Variants in PDXK observed in about 807,000 individuals in gnomAD.
PDXK encodes pyridoxal kinase.
A neutral mutation model predicts 43.2 loss-of-function variants in PDXK; 15 were observed. That is an observed-to-expected ratio of 0.35 (90% CI 0.23 to 0.53). PDXK has a LOEUF of 0.53. Ranked by LOEUF, PDXK falls within the 20% of genes least tolerant of loss-of-function variation. The probability of loss-of-function intolerance (pLI) is 0.92; values close to 1 mark genes in which losing one functional copy is unlikely to be tolerated. For synonymous variants in PDXK, 172 were observed against 165.4 expected, an observed-to-expected ratio of 1.04 and a Z score of -0.31; for missense variants, 343 against 417.0, an observed-to-expected ratio of 0.82 and a Z score of 1.54.
intron 2 of PDXK, among the ~76,000 whole-genome samples, chr21:43,740,359 A>G (rs924781173): frequency 2.0e-5 from 3 of 152,150 alleles, no homozygotes; most frequent in Non-Finnish European, 2.9e-5. Context: ...GCGTGGGCGC[A>G]GAGCCGGCCG....
chr21:43,741,570 C>A, intron 2 of PDXK, 97 bp from the exon 3 acceptor site: 1 of 1,549,988 alleles, frequency 6.5e-7, no homozygotes, highest in Non-Finnish European at 8.7e-7. Flanking sequence ...AGCCGTCCAC[C>A]AGGCAGCCTC....
intron 3 of PDXK, 68 bp from the exon 4 acceptor site, chr21:43,743,656 C>T (rs2083586048): frequency 6.1e-6 from 7 of 1,145,840 alleles, no homozygotes; most frequent in Middle Eastern, 3.9e-4. Flanking sequence ...GCTTCTCTTT[C>T]TTTGTGCCAC....
Position 43,741,728 on chromosome 21 carries a change from C to T in PDXK, c.204C>T (p.Gly68=). ...NSDELQELYE[G]LRLNNMNKYD... ...ATGAGCTCCAGGAGTTGTACGAAGG[C>T]CTGAGGCTGAACAACATGAATAAAT... The change falls in exon 3 of 11, where the codon GGC becomes GGT. Residue 68 remains glycine, a synonymous_variant. Coordinates refer to ENST00000291565, the MANE Select transcript of PDXK (RefSeq NM_003681.5). 6.2e-7 allele frequency: 1 copy of T among 1,612,886 alleles called. No homozygotes were observed. Among genetic ancestry groups the T allele is most frequent in the Non-Finnish European group, 8.5e-7 (1 of 1,179,222 alleles).
rs186423226 is a variant in PDXK, at chr21:43,732,800, T to C, written c.88-1269T>C. On this transcript the variant is annotated intron_variant, in intron 1 of 10. Coordinates refer to ENST00000291565, the MANE Select transcript of PDXK (RefSeq NM_003681.5). This position sits in a 1 kb window ranked among gnomAD's most constrained non-coding sequence, Gnocchi z 4.1. Reference sequence around the variant, plus strand: ...TCTCACTCCGTCACCCAGGCTAGAGTGCAGTGGTGCCATCAGGGCTCACTG... The same window carrying C: ...TCTCACTCCGTCACCCAGGCTAGAGCGCAGTGGTGCCATCAGGGCTCACTG... 2.0e-5 allele frequency among the ~76,000 whole-genome samples: 3 copies of C among 152,276 alleles called. No homozygotes were observed. The highest frequency in any genetic ancestry group is 2.0e-4 in the Admixed American group (3 of 15,290).
At chr21:43,750,095 C>T (rs2083708200) in intron 6 of PDXK, among the ~76,000 whole-genome samples, 2 of 152,218 alleles carry the variant, frequency 1.3e-5, no homozygotes, top group South Asian at 4.1e-4. Flanking sequence ...CCTGTCCAAA[C>T]TTGGGGGTGG....
intron 7 of PDXK, among the ~76,000 whole-genome samples, 189 bp downstream of exon 7, chr21:43,750,734 T>C (rs1375942374): frequency 1.8e-5 from 1 of 57,080 alleles, no homozygotes; most frequent in Non-Finnish European, 3.3e-5. Context: ...TGTTTGTGCA[T>C]GTGTGTGTGT....
intron 2 of PDXK, among the ~76,000 whole-genome samples, chr21:43,740,374 C>T (rs905078114): frequency 1.3e-5 from 2 of 152,142 alleles, no homozygotes; most frequent in Non-Finnish European, 2.9e-5. Context: ...CGGCCGTGAC[C>T]CACAAGTGCG....
chr21:43,729,574 C>T (rs543875980), intron 1 of PDXK, among the ~76,000 whole-genome samples: 37 of 152,204 alleles, frequency 2.4e-4, no homozygotes, highest in African/African-American at 7.5e-4. Flanking sequence ...AGCAGACGCT[C>T]AAGGGCTGGG....
At chr21:43,741,574 C>A (rs988568626) in intron 2 of PDXK, 93 bp from the exon 3 acceptor site, 26 of 1,553,352 alleles carry the variant, frequency 1.7e-5, no homozygotes, top group Non-Finnish European at 2.2e-5. Context: ...GTCCACCAGG[C>A]AGCCTCAGGG....
intron 1 of PDXK, chr21:43,733,470 A>G (rs1049690617): frequency 1.7e-5 from 3 of 175,454 alleles, no homozygotes; most frequent in Admixed American, 6.5e-5. Flanking sequence ...TGGGAGATAC[A>G]GGAAGGAGGC....
Position 43,752,579 on chromosome 21 carries a change from C to G in PDXK, c.572C>G (p.Pro191Arg), listed in dbSNP as rs768202173. 1 of 1,613,170 alleles carries G rather than the reference C, an allele frequency of 6.2e-7. No individual in the cohort carries two copies. Among genetic ancestry groups the G allele is most frequent in the South Asian group, 1.1e-5 (1 of 91,078 alleles). The change falls in exon 8 of 11, where the codon CCC becomes CGC. Residue 191 changes from proline to arginine, a missense_variant. Physicochemically the swap from Pro to Arg is moderately radical, Grantham distance 103. Transcript: ENST00000291565. ...DTVVITSSDL[P>R]SPQGSNYLIV... Reference sequence around the variant, plus strand: ...GTGGTCATCACCAGCTCCGACCTGCCCTCCCCGCAGGGCAGCAACTACCTG... The same window carrying G: ...GTGGTCATCACCAGCTCCGACCTGCGCTCCCCGCAGGGCAGCAACTACCTG...
intron 7 of PDXK, among the ~76,000 whole-genome samples, chr21:43,750,961 CATGTGT>C (rs1020549381): frequency 4.2e-4 from 15 of 35,310 alleles, no homozygotes; most frequent in Admixed American, 1.7e-3. Context: ...CATGTGTGTG[CATGTGT>C]GTGTGTGTGT....
In PDXK at chr21:43,735,400, C is replaced by T. The variant is rs867260471; in HGVS notation, c.142+1277C>T. ...CTGCCCTTGCATGGATTCCAGGTTG[C>T]GGGAGGGCCCCGGGCTTTGGCAATG... On this transcript the variant is annotated intron_variant, in intron 2 of 10. Coordinates refer to ENST00000291565, the MANE Select transcript of PDXK (RefSeq NM_003681.5). The surrounding 1 kb of genome is among the most constrained non-coding windows in gnomAD (Gnocchi z 5.3). Among the ~76,000 whole-genome samples, 2 of 152,192 alleles carry T rather than the reference C, an allele frequency of 1.3e-5. No homozygotes were observed. Among genetic ancestry groups the T allele is most frequent in the African/African-American group, 4.8e-5 (2 of 41,436 alleles).
Position 43,737,075 on chromosome 21 carries a change from G to C in PDXK, c.142+2952G>C. The C allele has an allele frequency of 2.5e-6, 2 of 786,612 alleles. No homozygotes were observed. Among genetic ancestry groups the C allele is most frequent in the Middle Eastern group, 4.4e-4 (2 of 4,546 alleles). The allele number at this position is 786,612 out of a possible 1,614,324, so 48.7% of individuals were successfully genotyped here. Reference sequence around the variant, plus strand: ...CACCTCCCGAGTGGCTGGGACTATAGTTGTGCACCAGCACGCCCACCTCCT... The same window carrying C: ...CACCTCCCGAGTGGCTGGGACTATACTTGTGCACCAGCACGCCCACCTCCT... On this transcript the variant is annotated intron_variant, in intron 2 of 10. Coordinates refer to ENST00000291565, the MANE Select transcript of PDXK (RefSeq NM_003681.5). The surrounding 1 kb of genome is among the most constrained non-coding windows in gnomAD (Gnocchi z 4.8).
chr21:43,742,956 G>A (rs908426458), intron 3 of PDXK, among the ~76,000 whole-genome samples: 1 of 152,136 alleles, frequency 6.6e-6, no homozygotes, highest in Non-Finnish European at 1.5e-5. Flanking sequence ...TCTCGCCCGT[G>A]GGTTCATTCC....
intron 2 of PDXK, chr21:43,738,085 C>A: frequency 1.0e-6 from 1 of 979,578 alleles, no homozygotes; most frequent in Non-Finnish European, 1.2e-6. Context: ...TTACGTCCCC[C>A]CAAATTCTCA....
rs1245815323 is a variant in PDXK, at chr21:43,735,892, C to T, written c.142+1769C>T. On this transcript the variant is annotated intron_variant, in intron 2 of 10. Coordinates refer to ENST00000291565, the MANE Select transcript of PDXK (RefSeq NM_003681.5). This position sits in a 1 kb window ranked among gnomAD's most constrained non-coding sequence, Gnocchi z 5.3. ...GCCCTTCTGCCTGCTCCCCTTCCCT[C>T]GCCCCTGCCACACTGTGCTGCTGGG... Among the ~76,000 whole-genome samples, 1 of 152,206 alleles carries T rather than the reference C, an allele frequency of 6.6e-6. No individual in the cohort carries two copies. Among genetic ancestry groups the T allele is most frequent in the Non-Finnish European group, 1.5e-5 (1 of 68,022 alleles).
rs983558579 is a variant in PDXK, at chr21:43,734,307, G to C, written c.142+184G>C. On this transcript the variant is annotated intron_variant, in intron 2 of 10. Coordinates refer to ENST00000291565, the MANE Select transcript of PDXK (RefSeq NM_003681.5). This position sits in a 1 kb window ranked among gnomAD's most constrained non-coding sequence, Gnocchi z 5.0. Reference sequence around the variant, plus strand: ...GCACAGCATATCAGGGTGTAGGCCTGGGTGGCCTCGCCTCTGAGAGGGGTT... The same window carrying C: ...GCACAGCATATCAGGGTGTAGGCCTCGGTGGCCTCGCCTCTGAGAGGGGTT... Among the ~76,000 whole-genome samples the C allele has an allele frequency of 2.0e-5, 3 of 150,666 alleles. No homozygotes were observed. The highest frequency in any genetic ancestry group is 4.4e-5 in the Non-Finnish European group (3 of 67,482).
chr21:43,753,659 T>C lies in PDXK; in HGVS notation c.699T>C (p.Thr233=), dbSNP rs1481632040. 1.2e-6 allele frequency: 2 copies of C among 1,613,766 alleles called. No individual in the cohort carries two copies. The highest frequency in any genetic ancestry group is 1.7e-6 in the Non-Finnish European group (2 of 1,179,800). Reference sequence around the variant, plus strand: ...AAGTGGACGCCGTCTTTGTGGGCACTGGGGACCTGTTTGCTGCCATGCTCC... The same window carrying C: ...AAGTGGACGCCGTCTTTGTGGGCACCGGGGACCTGTTTGCTGCCATGCTCC... ...IRKVDAVFVG[T]GDLFAAMLLA... The change falls in exon 9 of 11, where the codon ACT becomes ACC. Residue 233 remains threonine, a synonymous_variant. Transcript: ENST00000291565.
Sources: gnomAD v4.1 joint callset for allele counts (sites outside exome capture counted in the v4.1 genomes callset) on GRCh38, gnomAD v4.1.1 for gene constraint, Gnocchi (gnomAD v3.1) non-coding constraint, MANE v1.5 for transcripts, NCBI Gene and HGNC (gene_info 2026-07-23, HGNC 2026-07-21) for gene names.